Variants in ZBTB10 observed in about 807,000 individuals in gnomAD.
ZBTB10 encodes zinc finger and BTB domain containing 10.
In ZBTB10, 32 loss-of-function variants were observed where a neutral mutation model predicts 76.4. The ratio of observed to expected loss-of-function variants is 0.42; its 90% CI spans 0.32 to 0.56. The LOEUF (loss-of-function observed/expected upper bound fraction) is 0.56, where lower values mean the gene tolerates loss of function less well. Ranked by LOEUF, ZBTB10 falls within the 20% of genes least tolerant of loss-of-function variation. The pLI, the probability that ZBTB10 is intolerant of heterozygous loss-of-function variation, is 0.14. For missense variants in ZBTB10, 1,057 were observed against 1,098.5 expected, an observed-to-expected ratio of 0.96 and a Z score of 0.53; for synonymous variants, 523 against 432.9, an observed-to-expected ratio of 1.21 and a Z score of -2.58.
intron 2 of ZBTB10, among the ~76,000 whole-genome samples, chr8:80,502,491 C>T (rs1485352812): frequency 3.3e-5 from 5 of 152,160 alleles, no homozygotes; most frequent in Non-Finnish European, 5.9e-5. Flanking sequence ...ACCTTGGCCT[C>T]CCAACATGTT....
Position 80,499,998 on chromosome 8 carries a change from T to C in ZBTB10, c.1477T>C (p.Ser493Pro). ...AGTTAATAGAGATGGTCTGTCTTCA[T>C]CACGGGATCAAAAAATTGCCAGTTT... is the stretch of plus-strand genomic sequence containing the variant. ...KPVNRDGLSS[S>P]RDQKIASFWA... Residue 493 changes from serine (S) to proline (P), a missense_variant, in exon 2 of 6, where the codon TCA becomes CCA. This residue lies in a region of ZBTB10 where 306 missense variants were observed against 297.5 expected (regional missense o/e 1.03). Coordinates refer to ENST00000455036, the MANE Select transcript of ZBTB10 (RefSeq NM_001105539.3). 6.2e-7 allele frequency: 1 copy of C among 1,614,012 alleles called. No homozygotes were observed. The highest frequency in any genetic ancestry group is 8.5e-7 in the Non-Finnish European group (1 of 1,179,882).
chr8:80,519,478 C>T lies in ZBTB10; in HGVS notation c.2566C>T (p.Pro856Ser), dbSNP rs1345297714. The T allele has an allele frequency of 6.2e-7, 1 of 1,612,056 alleles. No individual in the cohort carries two copies. Among genetic ancestry groups the T allele is most frequent in the Admixed American group, 1.7e-5 (1 of 59,740 alleles). ...LVDDGEDQND[P>S]SRWDESGEVC... ...TGATGATGGAGAAGATCAGAATGATCCCTCTCGATGGGATGAATCAGGAGA... is the reference window on the plus strand; with the variant it reads ...TGATGATGGAGAAGATCAGAATGATTCCTCTCGATGGGATGAATCAGGAGA... The change falls in exon 6 of 6, where the codon CCC (proline) becomes TCC (serine). Residue 856 changes from proline (P) to serine (S), a missense_variant. Pro to Ser is a moderately conservative substitution (Grantham distance 74, BLOSUM62 -1). Transcript: ENST00000455036.
intron 5 of ZBTB10, 106 bp downstream of exon 5, chr8:80,519,060 C>G (rs1275396431): frequency 7.0e-7 from 1 of 1,428,612 alleles, no homozygotes; most frequent in Non-Finnish European, 9.3e-7. Context: ...AGATTGTCTC[C>G]TAAATTGCTT....
rs1285160489 is a variant in ZBTB10, at chr8:80,507,094, G to C, written c.1861+6712G>C. Reference sequence around the variant, plus strand: ...GGAGGCCGAGGCAGGTGGATCACGAGGGCAAGAGATCGAGATCATCCTGGC... The same window carrying C: ...GGAGGCCGAGGCAGGTGGATCACGACGGCAAGAGATCGAGATCATCCTGGC... On this transcript the variant is annotated intron_variant, in intron 2 of 5. Transcript: ENST00000455036. Among the ~76,000 whole-genome samples, 15 of 151,504 alleles carry C rather than the reference G, an allele frequency of 9.9e-5. 1 individual carries two copies. The highest frequency in any genetic ancestry group is 1.2e-4 in the Non-Finnish European group (8 of 67,894).
Position 80,487,767 on chromosome 8 carries a change from C to T in ZBTB10, c.957C>T (p.His319=). ...ACGTCTCTACCGAGCACAAACTCCA[C>T]GAAGCCAACGCCCAGGTACAGTATA... ...RHHVSTEHKL[H]EANAQESEIP... The change falls in exon 1 of 6, where the codon CAC becomes CAT. Residue 319 remains histidine, a synonymous_variant. Transcript: ENST00000455036. 1 of 1,597,868 alleles carries T rather than the reference C, an allele frequency of 6.3e-7. No individual in the cohort carries two copies. The highest frequency in any genetic ancestry group is 8.5e-7 in the Non-Finnish European group (1 of 1,172,426).
At chr8:80,512,291 G>C (rs186845528) in intron 2 of ZBTB10, among the ~76,000 whole-genome samples, 5 of 152,254 alleles carry the variant, frequency 3.3e-5, no homozygotes, top group African/African-American at 1.2e-4. Flanking sequence ...TCTCTCTTAA[G>C]TACCCAGACC....
Position 80,487,527 on chromosome 8 carries a change from C to G in ZBTB10, c.717C>G (p.Pro239=). Residue 239 remains proline (P), a synonymous_variant, in exon 1 of 6, where the codon CCC becomes CCG. Transcript: ENST00000455036. ...TCCAGCACTTCCCGCTCGCGCGGCC[C>G]AAGTCTCTAATGCAGAAGCTCCAAT... is the stretch of plus-strand genomic sequence containing the variant. The part of the protein sequence containing the change: ...ETVQHFPLAR[P]KSLMQKLQCS... 2.5e-6 allele frequency: 4 copies of G among 1,577,558 alleles called. No individual in the cohort carries two copies. The highest frequency in any genetic ancestry group is 3.4e-6 in the Non-Finnish European group (4 of 1,161,540).
Position 80,493,203 on chromosome 8 carries a change from GCGCGCA to G in ZBTB10, c.972+5423_972+5428del, listed in dbSNP as rs1286155730. Among the ~76,000 whole-genome samples, 404 of 107,780 alleles carry G rather than the reference GCGCGCA, an allele frequency of 3.7e-3. 1 individual carries two copies. The highest frequency in any genetic ancestry group is 0.013 in the African/African-American group (356 of 27,296). 70.7% of individuals were successfully genotyped at this position (107,780 alleles called of 152,430 possible). On this transcript the variant is annotated intron_variant, in intron 1 of 5. Transcript: ENST00000455036. ...AGACTGTGCCTCAAAACGCGCGCGCGCGCGCACACACACACACACACACACACACAC... is the reference window on the plus strand; with the variant it reads ...AGACTGTGCCTCAAAACGCGCGCGCGCACACACACACACACACACACACAC...
rs1190599588 is a variant in ZBTB10 at position 80,486,721 on chromosome 8, A to G, written c.-90A>G. 6 of 1,001,478 alleles carry G rather than the reference A, an allele frequency of 6.0e-6. No homozygotes were observed. Among genetic ancestry groups the G allele is most frequent in the Non-Finnish European group, 7.1e-6 (6 of 841,898 alleles). The allele number at this position is 1,001,478 out of a possible 1,614,324, so 62.0% of individuals were successfully genotyped here. A position where few individuals can be genotyped will look rare whatever the true frequency, so the allele number is the denominator to read the frequency against. ...CCGGAACGCCGGGGGCGGGGGCGAG[A>G]CAGAGGGGGAGCCGCGGGGAGCGCG... On this transcript the variant is annotated 5_prime_UTR_variant, in exon 1 of 6. Transcript: ENST00000455036.
Position 80,520,134 on chromosome 8 carries a change from C to T in ZBTB10, c.*606C>T, listed in dbSNP as rs1563468847. The T allele has an allele frequency of 1.3e-5, 2 of 152,370 alleles. No individual in the cohort carries two copies. The highest frequency in any genetic ancestry group is 4.8e-5 in the African/African-American group (2 of 41,382). 9.4% of individuals were successfully genotyped at this position (152,370 alleles called of 1,614,324 possible). A position where few individuals can be genotyped will look rare whatever the true frequency, so the allele number is the denominator to read the frequency against. ...TATTTCTCGATTTTGTGCTGATGGG[C>T]ATGTTTATAAGAACTGGAGAGGTAA... On this transcript the variant is annotated 3_prime_UTR_variant, in exon 6 of 6. Coordinates refer to ENST00000455036, the MANE Select transcript of ZBTB10 (RefSeq NM_001105539.3).
chr8:80,498,620 CTT>C (rs1274791917), intron 1 of ZBTB10, among the ~76,000 whole-genome samples: 1 of 152,168 alleles, frequency 6.6e-6, no homozygotes, highest in Non-Finnish European at 1.5e-5. Context: ...GTAATACTGA[CTT>C]ATCGTTTAAG....
At chr8:80,510,924 A>G (rs193124431) in intron 2 of ZBTB10, among the ~76,000 whole-genome samples, 3 of 152,298 alleles carry the variant, frequency 2.0e-5, no homozygotes, top group Admixed American at 1.3e-4. Context: ...TTCCTAATGA[A>G]GCAAAATTCA....
intron 2 of ZBTB10, among the ~76,000 whole-genome samples, chr8:80,509,679 A>T (rs909149668): frequency 1.3e-5 from 2 of 152,172 alleles, no homozygotes; most frequent in Non-Finnish European, 2.9e-5. Flanking sequence ...ATCATTGGTC[A>T]TGGGCACATT....
rs1454794017 is a variant in ZBTB10 at position 80,486,661 on chromosome 8, T to TGCCGGGCGAGAGGGCGAGGCCGA, written c.-146_-124dup. ...ACCCGGGAGCGAGCGCGAGCCGGGC[T>TGCCGGGCGAGAGGGCGAGGCCGA]GCCGGGCGAGAGGGCGAGGCCGAGC... On this transcript the variant is annotated 5_prime_UTR_variant, in exon 1 of 6. Transcript: ENST00000455036. The TGCCGGGCGAGAGGGCGAGGCCGA allele has an allele frequency of 6.2e-6, 6 of 972,868 alleles. No individual in the cohort carries two copies. The highest frequency in any genetic ancestry group is 6.3e-5 in the Admixed American group (1 of 15,808). 60.3% of individuals were successfully genotyped at this position (972,868 alleles called of 1,614,324 possible). A position where few individuals can be genotyped will look rare whatever the true frequency, so the allele number is the denominator to read the frequency against.
intron 1 of ZBTB10, among the ~76,000 whole-genome samples, chr8:80,488,391 TC>T (rs2131468612): frequency 6.6e-6 from 1 of 152,380 alleles, no homozygotes; most frequent in South Asian, 2.1e-4. Flanking sequence ...TGTTGAACTT[TC>T]TTACTACGGC....
rs772901833 is a variant in ZBTB10, at chr8:80,499,751, T to C, written c.1230T>C (p.Asp410=). The change falls in exon 2 of 6, where the codon GAT becomes GAC. Residue 410 remains aspartate, a synonymous_variant. Transcript: ENST00000455036. ...SPNQNNTTHL[D]IAAVQGFSVI... ...ACCAAAACAATACTACCCACTTAGA[T>C]ATTGCTGCAGTTCAAGGTTTTTCAG... The C allele has an allele frequency of 6.2e-6, 10 of 1,614,002 alleles. No individual in the cohort carries two copies. Among genetic ancestry groups the C allele is most frequent in the Non-Finnish European group, 8.5e-6 (10 of 1,179,882 alleles).
At position 80,486,955 on chromosome 8, in the gene ZBTB10, C is replaced by T. The variant is rs1815481520; in HGVS notation, c.145C>T (p.Pro49Ser). The change falls in exon 1 of 6, where the codon CCG (proline) becomes TCG (serine). Residue 49 changes from proline to serine, a missense_variant. By Grantham distance (74) the Pro-to-Ser change is moderately conservative. Coordinates refer to ENST00000455036, the MANE Select transcript of ZBTB10 (RefSeq NM_001105539.3). ...PPQPQPRQPP[P>S]PAPPALQPPN... Reference sequence around the variant, plus strand: ...GCAGCCCCAGCCGAGACAGCCCCCGCCGCCAGCGCCGCCCGCGCTTCAGCC... The same window carrying T: ...GCAGCCCCAGCCGAGACAGCCCCCGTCGCCAGCGCCGCCCGCGCTTCAGCC... The T allele has an allele frequency of 2.0e-6, 3 of 1,512,406 alleles. No homozygotes were observed. The highest frequency in any genetic ancestry group is 2.7e-5 in the East Asian group (1 of 37,254). The allele number at this position is 1,512,406 out of a possible 1,614,324, so 93.7% of individuals were successfully genotyped here.
Position 80,486,915 on chromosome 8 carries a change from C to T in ZBTB10, c.105C>T (p.Ala35=), listed in dbSNP as rs1468203289. Residue 35 remains alanine (A), a synonymous_variant, in exon 1 of 6, where the codon GCC becomes GCT. Coordinates refer to ENST00000455036, the MANE Select transcript of ZBTB10 (RefSeq NM_001105539.3). ...CGAACAATAACGCTGGCGGGGAGGCCTCAGCTTGGCCTCCGCAGCCCCAGC... is the reference window on the plus strand; with the variant it reads ...CGAACAATAACGCTGGCGGGGAGGCTTCAGCTTGGCCTCCGCAGCCCCAGC... The part of the protein sequence containing the change: ...GSTNNNAGGE[A]SAWPPQPQPR... The T allele has an allele frequency of 2.0e-6, 3 of 1,509,130 alleles. No individual in the cohort carries two copies. The highest frequency in any genetic ancestry group is 1.4e-5 in the African/African-American group (1 of 69,074). 93.5% of individuals were successfully genotyped at this position (1,509,130 alleles called of 1,614,324 possible).
Position 80,486,919 on chromosome 8 carries a change from G to C in ZBTB10, c.109G>C (p.Ala37Pro), listed in dbSNP as rs989418043. 2.0e-6 allele frequency: 3 copies of C among 1,508,688 alleles called. No individual in the cohort carries two copies. The highest frequency in any genetic ancestry group is 2.7e-5 in the East Asian group (1 of 36,684). The allele number at this position is 1,508,688 out of a possible 1,614,324, so 93.5% of individuals were successfully genotyped here. Residue 37 changes from alanine to proline, a missense_variant, in exon 1 of 6, where the codon GCT becomes CCT. Physicochemically the swap from Ala to Pro is conservative, Grantham distance 27. Transcript: ENST00000455036. ...TNNNAGGEAS[A>P]WPPQPQPRQP... ...CAATAACGCTGGCGGGGAGGCCTCA[G>C]CTTGGCCTCCGCAGCCCCAGCCGAG...
Sources: allele counts gnomAD v4.1 joint callset (sites outside exome capture counted in the v4.1 genomes callset), GRCh38; gene constraint gnomAD v4.1.1; regional missense constraint gnomAD v4.1.1; transcripts MANE v1.5; gene names NCBI Gene and HGNC (gene_info 2026-07-23, HGNC 2026-07-21).